SURF2: variants seen among roughly 807,000 people sequenced by gnomAD.
SURF2 encodes the protein surfeit 2, also known as surfeit locus protein 2.
A neutral mutation model predicts 26.2 loss-of-function variants in SURF2; 32 were observed. That is an observed-to-expected ratio of 1.22 (90% CI 0.92 to 1.64). The LOEUF (loss-of-function observed/expected upper bound fraction) is 1.64, where lower values mean the gene tolerates loss of function less well. Among genes scored for constraint, SURF2 ranks in the 40% most tolerant of loss-of-function variants. The pLI, the probability that SURF2 is intolerant of heterozygous loss-of-function variation, is 0.00. For missense variants in SURF2, 415 were observed against 341.6 expected, an observed-to-expected ratio of 1.21 and a Z score of -1.69; for synonymous variants, 173 against 139.1, an observed-to-expected ratio of 1.24 and a Z score of -1.71.
chr9:133,359,579 G>A (rs2130042984), intron 3 of SURF2, among the ~76,000 whole-genome samples: 2 of 152,342 alleles, frequency 1.3e-5, no homozygotes, highest in South Asian at 4.1e-4. Flanking sequence ...GGCTGCTGGG[G>A]AGAGGGTGGC....
chr9:133,360,357 C>T lies in SURF2; in HGVS notation c.610C>T (p.Pro204Ser). ...AGACAAAGAGGATGAGAAGGCAAAG[C>T]CCCCAAGAGAGAAGGCCACTGATGA... The part of the protein sequence containing the change: ...LTDKEDEKAK[P>S]PREKATDEGR... Residue 204 changes from proline to serine, a missense_variant, in exon 5 of 6, where the codon CCC becomes TCC. By Grantham distance (74) the Pro-to-Ser change is moderately conservative. Transcript: ENST00000371964. 6.2e-7 allele frequency: 1 copy of T among 1,614,068 alleles called. No homozygotes were observed. Among genetic ancestry groups the T allele is most frequent in the Non-Finnish European group, 8.5e-7 (1 of 1,180,006 alleles).
Position 133,360,256 on chromosome 9 carries a change from TC to T in SURF2, c.518-7del, listed in dbSNP as rs1238694761. The T allele has an allele frequency of 3.7e-6, 6 of 1,612,600 alleles. No homozygotes were observed. Among genetic ancestry groups the T allele is most frequent in the Non-Finnish European group, 5.1e-6 (6 of 1,179,352 alleles). ...AATAACTGTCAGCCAATCCCTGTGT[TC>T]CTCCCAGCTGAGCTATTCACCAGAA... On this transcript the variant is annotated splice_polypyrimidine_tract_variant and splice_region_variant and intron_variant, in intron 4 of 5. Coordinates refer to ENST00000371964, the MANE Select transcript of SURF2 (RefSeq NM_017503.5).
intron 3 of SURF2, 56 bp downstream of exon 3, chr9:133,357,870 G>T: frequency 6.5e-7 from 1 of 1,549,472 alleles, no homozygotes; most frequent in Non-Finnish European, 8.8e-7. Flanking sequence ...TGCCCGCCTT[G>T]CCCCAGATGG....
rs201075401 is a variant in SURF2 at position 133,360,129 on chromosome 9, C to T, written c.517C>T (p.Pro173Ser). ...TGACAGCATGACAGACCTGTACCCA[C>T]GTAAGCAGAACAGGCCCTGCTTCTC... ...SDDSMTDLYP[P>S]ELFTRKDLGS... Residue 173 changes from proline (P) to serine (S), a missense_variant and splice_region_variant, in exon 4 of 6, where the codon CCT becomes TCT. Coordinates refer to ENST00000371964, the MANE Select transcript of SURF2 (RefSeq NM_017503.5). The T allele has an allele frequency of 1.1e-5, 17 of 1,604,142 alleles. No individual in the cohort carries two copies. The Middle Eastern group carries it at 5.0e-4, about 47-fold the overall frequency.
At chr9:133,359,838 AG>A (rs1013960674) in intron 3 of SURF2, 111 bp from the exon 4 acceptor site, 318 of 1,294,984 alleles carry the variant, frequency 2.5e-4, no homozygotes, top group Non-Finnish European at 3.1e-4. Context: ...GTTTTTGTCC[AG>A]GGCGGTGGGG....
chr9:133,357,358 G>A (rs1307910709), intron 2 of SURF2: 2 of 521,860 alleles, frequency 3.8e-6, no homozygotes, highest in African/African-American at 1.9e-5. Flanking sequence ...AACCCCAGAA[G>A]GGGTCTTTGA....
chr9:133,356,550 C>A lies in SURF2; in HGVS notation c.-43C>A. ...AGAGCCCCGCCCCCGGCTCCAGGTTCTGCGAGCGGCTTCCGCCGGGCTGCT... is the reference window on the plus strand; with the variant it reads ...AGAGCCCCGCCCCCGGCTCCAGGTTATGCGAGCGGCTTCCGCCGGGCTGCT... On this transcript the variant is annotated 5_prime_UTR_variant, in exon 1 of 6. The change creates a new upstream start codon in the 5' untranslated region. Coordinates refer to ENST00000371964, the MANE Select transcript of SURF2 (RefSeq NM_017503.5). The A allele has an allele frequency of 2.0e-6, 3 of 1,501,100 alleles. 1 individual carries two copies. Among genetic ancestry groups the A allele is most frequent in the South Asian group, 2.5e-5 (2 of 80,770 alleles). 93.0% of individuals were successfully genotyped at this position (1,501,100 alleles called of 1,614,324 possible). A position where few individuals can be genotyped will look rare whatever the true frequency, so the allele number is the denominator to read the frequency against.
chr9:133,356,798 C>A, intron 1 of SURF2, 116 bp from the exon 2 acceptor site: 7 of 1,376,652 alleles, frequency 5.1e-6, no homozygotes, highest in Non-Finnish European at 5.7e-6. Flanking sequence ...GAGGGGAGGG[C>A]AGGGGAGAGG....
chr9:133,359,347 A>G (rs1012718451), intron 3 of SURF2, among the ~76,000 whole-genome samples: 2 of 152,196 alleles, frequency 1.3e-5, no homozygotes, highest in Admixed American at 6.5e-5. Context: ...CATGCAGCCC[A>G]TGAGGGATGA....
intron 2 of SURF2, 44 bp downstream of exon 2, chr9:133,357,112 A>G: frequency 6.7e-7 from 1 of 1,489,056 alleles, no homozygotes; most frequent in Non-Finnish European, 9.0e-7. Context: ...GGCAATTAGG[A>G]CAGCCCCTCC....
At chr9:133,356,848 C>T in intron 1 of SURF2, 66 bp from the exon 2 acceptor site, 1 of 1,475,402 alleles carries the variant, frequency 6.8e-7, no homozygotes, top group Non-Finnish European at 9.0e-7. Flanking sequence ...GGGGGCGCGG[C>T]AGGAGGGGGC....
In SURF2 at chr9:133,356,907, T is replaced by C. The variant is rs1215001236; in HGVS notation, c.79-7T>C. 1.3e-6 allele frequency: 2 copies of C among 1,546,164 alleles called. No homozygotes were observed. The highest frequency in any genetic ancestry group is 1.4e-5 in the African/African-American group (1 of 73,098). On this transcript the variant is annotated splice_region_variant and splice_polypyrimidine_tract_variant and intron_variant, in intron 1 of 5. Transcript: ENST00000371964. ...TCCTGACGTCCTGCCCGCCCACGCGTCCGCAGGTGAGGTGCATCCTGACAG... is the reference window on the plus strand; with the variant it reads ...TCCTGACGTCCTGCCCGCCCACGCGCCCGCAGGTGAGGTGCATCCTGACAG...
At chr9:133,357,619 G>A (rs1474399103) in intron 2 of SURF2, 92 bp from the exon 3 acceptor site, 17 of 1,248,848 alleles carry the variant, frequency 1.4e-5, no homozygotes, top group Non-Finnish European at 2.0e-5. Flanking sequence ...AAGCCGCATG[G>A]TAGACTGTCC....
At chr9:133,357,483 G>A (rs2130034465) in intron 2 of SURF2, among the ~76,000 whole-genome samples, 15 of 152,366 alleles carry the variant, frequency 9.8e-5, no homozygotes, top group Admixed American at 9.8e-4. Context: ...TCCTGGAGCA[G>A]TCAGTGAGGC....
At chr9:133,357,621 AGACTGTCCAGGGAT>A in intron 2 of SURF2, 76 bp from the exon 3 acceptor site, 2 of 1,254,612 alleles carry the variant, frequency 1.6e-6, no homozygotes, top group South Asian at 2.5e-5. Flanking sequence ...GCCGCATGGT[AGACTGTCCAGGGAT>A]GAGTCCAAGA....
At chr9:133,357,637 A>C (rs1423086646) in intron 2 of SURF2, 74 bp from the exon 3 acceptor site, 2 of 1,407,586 alleles carry the variant, frequency 1.4e-6, no homozygotes, top group Non-Finnish European at 2.0e-6. Flanking sequence ...TCCAGGGATG[A>C]GTCCAAGACA....
At chr9:133,358,115 C>A (rs2130038409) in intron 3 of SURF2, among the ~76,000 whole-genome samples, 2 of 152,040 alleles carry the variant, frequency 1.3e-5, no homozygotes, top group Non-Finnish European at 2.9e-5. Context: ...TGGGGAGACT[C>A]GCTGAGGGAT....
rs1016416211 is a variant in SURF2 at position 133,357,001 on chromosome 9, G to T, written c.166G>T (p.Val56Phe). ...CCGCGGCAAAAAGTACCAGCGGCTGGTCCGCGCCTCCCCGGCCTTCGACTA... is the reference window on the plus strand; with the variant it reads ...CCGCGGCAAAAAGTACCAGCGGCTGTTCCGCGCCTCCCCGGCCTTCGACTA... The part of the protein sequence containing the change: ...YTRGKKYQRL[V>F]RASPAFDYAE... Residue 56 changes from valine to phenylalanine, a missense_variant, in exon 2 of 6, where the codon GTC becomes TTC. Val to Phe is a conservative substitution (Grantham distance 50, BLOSUM62 -1). Transcript: ENST00000371964. 3.2e-6 allele frequency: 5 copies of T among 1,570,726 alleles called. No homozygotes were observed. The highest frequency in any genetic ancestry group is 1.7e-6 in the Non-Finnish European group (2 of 1,159,038).
In SURF2 at chr9:133,358,017, C is replaced by T. The variant is rs2130037908; in HGVS notation, c.337+203C>T. Among the ~76,000 whole-genome samples the T allele has an allele frequency of 0.056, 8,522 of 152,086 alleles. 328 individuals are homozygous for T. Among genetic ancestry groups the T allele is most frequent in the Non-Finnish European group, 0.087 (5,883 of 68,008 alleles). Reference sequence around the variant, plus strand: ...AGGCAGGCACAGAGCCAGAAGCAGGCTCGGGAGTGAGTGAGTGTGCGTGGC... The same window carrying T: ...AGGCAGGCACAGAGCCAGAAGCAGGTTCGGGAGTGAGTGAGTGTGCGTGGC... On this transcript the variant is annotated intron_variant, in intron 3 of 5. Coordinates refer to ENST00000371964, the MANE Select transcript of SURF2 (RefSeq NM_017503.5).
Sources: allele counts gnomAD v4.1 joint callset (sites outside exome capture counted in the v4.1 genomes callset), GRCh38; gene constraint gnomAD v4.1.1; transcripts MANE v1.5; gene names NCBI Gene and HGNC (gene_info 2026-07-23, HGNC 2026-07-21).